The following SMURF1 variants were observed in gnomAD, a reference collection of about 807,000 sequenced individuals.
SMURF1 encodes SMAD specific E3 ubiquitin protein ligase 1.
In SMURF1, 44 loss-of-function variants were observed where a neutral mutation model predicts 98.0. That is an observed-to-expected ratio of 0.45 (90% CI 0.35 to 0.58). SMURF1 has a LOEUF of 0.58. Ranked by LOEUF, SMURF1 falls within the 20% of genes least tolerant of loss-of-function variation. SMURF1 has a pLI of 0.00. For synonymous variants in SMURF1, 396 were observed against 374.9 expected (o/e 1.06, Z -0.65); for missense variants, 687 against 938.4 (o/e 0.73, Z 3.50).
At chr7:99,062,028 C>T (rs1455039818) in intron 1 of SMURF1, among the ~76,000 whole-genome samples, 191 bp from the exon 2 acceptor site, 1 of 151,678 alleles carries the variant, frequency 6.6e-6, no homozygotes, top group African/African-American at 2.4e-5. Context: ...AACTGAAGAT[C>T]AGCTATAACA....
intron 11 of SMURF1, among the ~76,000 whole-genome samples, chr7:99,043,855 G>A (rs915520555): frequency 2.0e-5 from 3 of 152,180 alleles, no homozygotes; most frequent in Non-Finnish European, 4.4e-5. Context: ...AGGACGCCAA[G>A]AAAGGGGAAG....
chr7:99,033,024 C>T lies in SMURF1; in HGVS notation c.2096+13G>A. ...CTCCCAGGACGCCGTGACTTCCTGG[C>T]CGCGGTGCTTACCAGGTATGGGCCT... On this transcript the variant is annotated intron_variant, in intron 17 of 17. Coordinates refer to ENST00000361368, the MANE Select transcript of SMURF1 (RefSeq NM_181349.3). The T allele has an allele frequency of 6.3e-7, 1 of 1,599,072 alleles. No individual in the cohort carries two copies. The highest frequency in any genetic ancestry group is 8.5e-7 in the Non-Finnish European group (1 of 1,172,230).
intron 16 of SMURF1, among the ~76,000 whole-genome samples, chr7:99,034,347 G>A (rs1795039630): frequency 6.6e-6 from 1 of 152,216 alleles, no homozygotes; most frequent in African/African-American, 2.4e-5. Flanking sequence ...AATTATTGGA[G>A]GACTAATGAG....
Position 99,040,422 on chromosome 7 carries a change from C to T in SMURF1, c.1506G>A (p.Leu502=). 6.3e-7 allele frequency: 1 copy of T among 1,586,996 alleles called. No individual in the cohort carries two copies. The highest frequency in any genetic ancestry group is 8.6e-7 in the Non-Finnish European group (1 of 1,167,342). Residue 502 remains leucine (L), a synonymous_variant, in exon 13 of 18, where the codon CTG becomes CTA. Transcript: ENST00000361368. The part of the protein sequence containing the change: ...LLGKPIQLSD[L]ESVDPELHKS... ...TATGCAGCTCTGGGTCCACAGATTC[C>T]AGATCTGAGAGCTGGATGGGCTTCC...
At chr7:99,040,586 G>T in intron 12 of SMURF1, 30 bp from the exon 13 acceptor site, 2 of 1,395,504 alleles carry the variant, frequency 1.4e-6, no homozygotes. Context: ...ACACGAATTT[G>T]TCAGCATGGT....
In SMURF1 at chr7:99,106,344, C is replaced by A. The variant is rs192193380; in HGVS notation, c.55+37382G>T. On this transcript the variant is annotated intron_variant, in intron 1 of 17. Transcript: ENST00000361368. Reference sequence around the variant, plus strand: ...CTATCATGAAACTACTATAAGCCCCCCTGTAAACCTATATCTAAAAACCTA... The same window carrying A: ...CTATCATGAAACTACTATAAGCCCCACTGTAAACCTATATCTAAAAACCTA... Among the ~76,000 whole-genome samples the A allele has an allele frequency of 5.3e-5, 8 of 152,264 alleles. No homozygotes were observed. In the East Asian group the frequency reaches 1.5e-3, roughly 29 times the overall value.
intron 1 of SMURF1, among the ~76,000 whole-genome samples, chr7:99,139,083 T>A: frequency 6.6e-6 from 1 of 152,250 alleles, no homozygotes; most frequent in East Asian, 1.9e-4. Context: ...TCTTAGCTGG[T>A]ACAAATTGAC....
At chr7:99,086,350 G>GA (rs57080561) in intron 1 of SMURF1, among the ~76,000 whole-genome samples, 1,900 of 140,098 alleles carry the variant, frequency 0.014, 42 homozygotes, top group African/African-American at 0.048. Context: ...TCTCAAAAAG[G>GA]AAAAAAAAAG....
chr7:99,130,223 C>G (rs1272623742), intron 1 of SMURF1, among the ~76,000 whole-genome samples: 2 of 152,144 alleles, frequency 1.3e-5, no homozygotes, highest in African/African-American at 4.8e-5. Context: ...GAGGCTGAGG[C>G]GGGCCAATCA....
Position 99,030,565 on chromosome 7 carries a change from T to C in SMURF1, c.*19A>G, listed in dbSNP as rs377416493. The C allele has an allele frequency of 1.0e-4, 167 of 1,611,158 alleles. No individual in the cohort carries two copies. The highest frequency in any genetic ancestry group is 1.4e-4 in the Non-Finnish European group (160 of 1,177,472). On this transcript the variant is annotated 3_prime_UTR_variant, in exon 18 of 18. Transcript: ENST00000361368. ...GGTCTGGTGGCCATGAGCTAGACTC[T>C]GTTGCCTTTGGTTGCTTTTCACTCC...
chr7:99,074,526 C>T (rs951748673), intron 1 of SMURF1, among the ~76,000 whole-genome samples: 1 of 152,050 alleles, frequency 6.6e-6, no homozygotes, highest in African/African-American at 2.4e-5. Context: ...TCAACCCTTA[C>T]CTCACATCAT....
chr7:99,143,640 A>T, intron 1 of SMURF1, 86 bp downstream of exon 1: 1 of 1,070,360 alleles, frequency 9.3e-7, no homozygotes, highest in Non-Finnish European at 1.2e-6. Flanking sequence ...GGCGTGGGGG[A>T]GGGCCGCTTC....
At chr7:99,113,837 TAAAAAAAAAAAAA>T (rs71118659) in intron 1 of SMURF1, among the ~76,000 whole-genome samples, 1 of 33,950 alleles carries the variant, frequency 2.9e-5, no homozygotes, top group African/African-American at 1.5e-4. Context: ...AGACTCCGTC[TAAAAAAAAAAAAA>T]AAAAAAAAAA....
chr7:99,070,197 G>A (rs1339280669), intron 1 of SMURF1, among the ~76,000 whole-genome samples: 1 of 152,196 alleles, frequency 6.6e-6, no homozygotes, highest in Non-Finnish European at 1.5e-5. Context: ...GGCAAAAACT[G>A]TCTCTTCTGT....
At chr7:99,089,509 T>C (rs1233253074) in intron 1 of SMURF1, among the ~76,000 whole-genome samples, 1 of 149,386 alleles carries the variant, frequency 6.7e-6, no homozygotes, top group Admixed American at 6.6e-5. Context: ...GGTGTGGTGG[T>C]GTGTGCCTGT....
At chr7:99,080,379 A>G (rs1253602066) in intron 1 of SMURF1, among the ~76,000 whole-genome samples, 1 of 152,182 alleles carries the variant, frequency 6.6e-6, no homozygotes, top group Non-Finnish European at 1.5e-5. Flanking sequence ...GGCTCACTGC[A>G]ACCTCTGCCT....
chr7:99,047,561 A>G, intron 10 of SMURF1, 123 bp downstream of exon 10: 7 of 969,776 alleles, frequency 7.2e-6, no homozygotes, highest in Non-Finnish European at 9.3e-6. Context: ...TGAAACGCAG[A>G]CATCACCCAC....
intron 1 of SMURF1, among the ~76,000 whole-genome samples, chr7:99,132,715 C>G (rs1797897861): frequency 6.6e-6 from 1 of 151,698 alleles, no homozygotes; most frequent in Non-Finnish European, 1.5e-5. Flanking sequence ...CACACACACA[C>G]ACACACACAC....
At chr7:99,097,084 GAAA>G (rs540572519) in intron 1 of SMURF1, among the ~76,000 whole-genome samples, 1 of 135,396 alleles carries the variant, frequency 7.4e-6, no homozygotes, top group African/African-American at 2.7e-5. Flanking sequence ...TGAACTGAAA[GAAA>G]AAAAAAAAAG....
Sources: allele counts gnomAD v4.1 joint callset (sites outside exome capture counted in the v4.1 genomes callset), GRCh38; gene constraint gnomAD v4.1.1; transcripts MANE v1.5; gene names NCBI Gene and HGNC (gene_info 2026-07-23, HGNC 2026-07-21).